Variants in RTL3 observed in about 807,000 individuals in gnomAD.
RTL3 encodes retrotransposon Gag-like protein 3.
For synonymous variants in RTL3, 181 were observed against 132.2 expected (o/e 1.37, Z -2.53); for missense variants, 468 against 341.8 (o/e 1.37, Z -2.91).
In RTL3 at chrX:78,658,258, A is replaced by T; in HGVS notation, c.163T>A (p.Ser55Thr). The T allele has an allele frequency of 8.3e-7, 1 of 1,209,885 alleles. No individual in the cohort carries two copies. Residue 55 changes from serine (S) to threonine (T), a missense_variant, in exon 2 of 2, where the codon TCC becomes ACC. By Grantham distance (58) the Ser-to-Thr change is moderately conservative (BLOSUM62 1). Coordinates refer to ENST00000321110, the MANE Select transcript of RTL3 (RefSeq NM_152694.3). ...TTCTGGGGCTCCTTGGCCTCTGAGGACTTTCGGAGTAGATCATACTCCTTG... is the reference window on the plus strand; with the variant it reads ...TTCTGGGGCTCCTTGGCCTCTGAGGTCTTTCGGAGTAGATCATACTCCTTG... ...AAKEYDLLRK[S>T]SEAKEPQKLP...
chrX:78,657,559 C>T lies in RTL3; in HGVS notation c.862G>A (p.Gly288Arg). The change falls in exon 2 of 2, where the codon GGA becomes AGA. Residue 288 changes from glycine to arginine, a missense_variant. By Grantham distance (125) the Gly-to-Arg change is moderately radical (BLOSUM62 -2). Transcript: ENST00000321110. ...TCCAGTAAGAGCTGGAACCACCATC[C>T]TGCCCTACCTGAGAAGCAATTGCCA... ...FVGNCFSGRA[G>R]WWFQLLLDIQ... 8.3e-7 allele frequency: 1 copy of T among 1,206,963 alleles called. No individual in the cohort carries two copies. Among genetic ancestry groups the T allele is most frequent in the Non-Finnish European group, 1.1e-6 (1 of 892,866 alleles).
At position 78,659,260 on chromosome X, in the gene RTL3, C is replaced by T. The variant is rs1350504267; in HGVS notation, c.-229+1G>A. ...AAATAATCTTTATAAATGTACGTTA[C>T]CATTCAGAGACTTAGTCCAGGAGCT... is the stretch of plus-strand genomic sequence containing the variant. On this transcript the variant is annotated splice_donor_variant, in intron 1 of 1. Coordinates refer to ENST00000321110, the MANE Select transcript of RTL3 (RefSeq NM_152694.3). LOFTEE classifies it low-confidence loss of function (5UTR_SPLICE). The T allele has an allele frequency of 6.4e-5, 7 of 109,910 alleles. No homozygotes were observed. Among genetic ancestry groups the T allele is most frequent in the Non-Finnish European group, 1.1e-4 (6 of 52,820 alleles). The allele number at this position is 109,910 out of a possible 1,213,427, so 9.1% of individuals were successfully genotyped here. A position where few individuals can be genotyped will look rare whatever the true frequency, so the allele number is the denominator to read the frequency against.
chrX:78,657,355 T>C lies in RTL3; in HGVS notation c.1066A>G (p.Thr356Ala). 1 of 1,211,223 alleles carries C rather than the reference T, an allele frequency of 8.3e-7. No homozygotes were observed. The highest frequency in any genetic ancestry group is 1.1e-6 in the Non-Finnish European group (1 of 895,342). Reference protein sequence around the residue: ...IAQELNWDESTLWIQFQEGLA... With the variant: ...IAQELNWDESALWIQFQEGLA... Reference sequence around the variant, plus strand: ...CCTTCTTGAAATTGGATCCAGAGAGTGCTTTCATCCCAGTTCAGCTCTTGA... The same window carrying C: ...CCTTCTTGAAATTGGATCCAGAGAGCGCTTTCATCCCAGTTCAGCTCTTGA... Residue 356 changes from threonine to alanine, a missense_variant, in exon 2 of 2, where the codon ACT becomes GCT. Thr to Ala is a moderately conservative substitution (Grantham distance 58, BLOSUM62 0). Transcript: ENST00000321110.
chrX:78,658,506 A>T lies in RTL3; in HGVS notation c.-86T>A. ...GTGAGATCCTTCCTGAAAGCTGCTT[A>T]CAGGCAGATGTCAGGCTCAGTGAGT... On this transcript the variant is annotated 5_prime_UTR_variant, in exon 2 of 2. Coordinates refer to ENST00000321110, the MANE Select transcript of RTL3 (RefSeq NM_152694.3). The T allele has an allele frequency of 2.2e-6, 2 of 905,188 alleles. No homozygotes were observed. Among genetic ancestry groups the T allele is most frequent in the South Asian group, 2.9e-5 (1 of 33,903 alleles). The allele number at this position is 905,188 out of a possible 1,213,427, so 74.6% of individuals were successfully genotyped here. A position where few individuals can be genotyped will look rare whatever the true frequency, so the allele number is the denominator to read the frequency against.
Position 78,657,412 on chromosome X carries a change from C to T in RTL3, c.1009G>A (p.Gly337Ser). The change falls in exon 2 of 2, where the codon GGT (glycine) becomes AGT (serine). Residue 337 changes from glycine (G) to serine (S), a missense_variant. Physicochemically the swap from Gly to Ser is moderately conservative, Grantham distance 56 (BLOSUM62 0). Coordinates refer to ENST00000321110, the MANE Select transcript of RTL3 (RefSeq NM_152694.3). The part of the protein sequence containing the change: ...QCIHQLCQGE[G>S]HVATHFHLIA... ...AGGTGGAAGTGGGTTGCTACATGAC[C>T]CTCCCCTTGGCAGAGTTGATGGATG... is the stretch of plus-strand genomic sequence containing the variant. The T allele has an allele frequency of 8.3e-7, 1 of 1,211,616 alleles. No homozygotes were observed.
chrX:78,656,260 A>G lies in RTL3; in HGVS notation c.*733T>C, dbSNP rs1051637458. The G allele has an allele frequency of 3.6e-5, 4 of 111,692 alleles. No homozygotes were observed. The highest frequency in any genetic ancestry group is 5.6e-5 in the Non-Finnish European group (3 of 53,108). 9.2% of individuals were successfully genotyped at this position (111,692 alleles called of 1,213,427 possible). On this transcript the variant is annotated 3_prime_UTR_variant, in exon 2 of 2. Coordinates refer to ENST00000321110, the MANE Select transcript of RTL3 (RefSeq NM_152694.3). Reference sequence around the variant, plus strand: ...TCATGTGTATTGTTAGTATAATTGTAATTAAAACAGTTCCGCAGGATGCAG... The same window carrying G: ...TCATGTGTATTGTTAGTATAATTGTGATTAAAACAGTTCCGCAGGATGCAG...
chrX:78,658,409 G>GTCC lies in RTL3; in HGVS notation c.9_11dup (p.Glu3dup), dbSNP rs1290673331. 1.7e-6 allele frequency: 2 copies of GTCC among 1,195,740 alleles called. No individual in the cohort carries two copies. Among genetic ancestry groups the GTCC allele is most frequent in the Non-Finnish European group, 2.3e-6 (2 of 887,535 alleles). On this transcript the variant is annotated inframe_insertion, in exon 2 of 2. Transcript: ENST00000321110. ...TCAGAACAATATAGGAGGCTGCTAA[G>GTCC]TCCTCCACCATCTTTTGAGGAAATG... is the stretch of plus-strand genomic sequence containing the variant.
In RTL3 at chrX:78,658,199, C is replaced by T; in HGVS notation, c.222G>A (p.Trp74Ter). 1 of 1,202,095 alleles carries T rather than the reference C, an allele frequency of 8.3e-7. No homozygotes were observed. The highest frequency in any genetic ancestry group is 1.1e-6 in the Non-Finnish European group (1 of 891,676). Reference sequence around the variant, plus strand: ...TGAACTCTGGGGTCTTTTGGGCCTCCCAGGCTGCTGGGGGATTCATGTGCT... The same window carrying T: ...TGAACTCTGGGGTCTTTTGGGCCTCTCAGGCTGCTGGGGGATTCATGTGCT... ...LPEHMNPPAA[W>*]EAQKTPEFKE... Residue 74 changes from tryptophan (W) to a stop codon, truncating the protein, a stop_gained, in exon 2 of 2, where the codon TGG becomes TGA. Transcript: ENST00000321110. LOFTEE classifies it low-confidence loss of function (END_TRUNC).
rs377722231 is a variant in RTL3 at position 78,657,302 on chromosome X, C to T, written c.1119G>A (p.Leu373=). ...GGTTGGTGGCTGGGCTTGTGTGAGA[C>T]AGTTCATCTTGTATAGAACTGGCAA... The part of the protein sequence containing the change: ...EGLASSIQDE[L]SHTSPATNLS... The change falls in exon 2 of 2, where the codon CTG becomes CTA. Residue 373 remains leucine (L), a synonymous_variant. Coordinates refer to ENST00000321110, the MANE Select transcript of RTL3 (RefSeq NM_152694.3). 2 of 1,211,793 alleles carry T rather than the reference C, an allele frequency of 1.7e-6. No homozygotes were observed.
chrX:78,657,083 G>C lies in RTL3; in HGVS notation c.1338C>G (p.Leu446=). ...WVRWHKGRLC[L]YCGYPGHFAR... ...CAAAATGACCAGGATAACCACAGTA[G>C]AGGCATAAGCGGCCTTTGTGCCAAC... The change falls in exon 2 of 2, where the codon CTC becomes CTG. Residue 446 remains leucine (L), a synonymous_variant. Transcript: ENST00000321110. 1 of 1,212,374 alleles carries C rather than the reference G, an allele frequency of 8.2e-7. No homozygotes were observed.
rs1186448900 is a variant in RTL3, at chrX:78,658,227, G to T, written c.194C>A (p.Pro65Gln). Residue 65 changes from proline (P) to glutamine (Q), a missense_variant, in exon 2 of 2, where the codon CCA (proline) becomes CAA (glutamine). Coordinates refer to ENST00000321110, the MANE Select transcript of RTL3 (RefSeq NM_152694.3). ...GGCTGCTGGGGGATTCATGTGCTCTGGGAGCTTCTGGGGCTCCTTGGCCTC... is the reference window on the plus strand; with the variant it reads ...GGCTGCTGGGGGATTCATGTGCTCTTGGAGCTTCTGGGGCTCCTTGGCCTC... ...SSEAKEPQKLPEHMNPPAAWE... is the reference protein window; with the variant it reads ...SSEAKEPQKLQEHMNPPAAWE... The T allele has an allele frequency of 5.8e-6, 7 of 1,209,102 alleles. No homozygotes were observed. Among genetic ancestry groups the T allele is most frequent in the Non-Finnish European group, 7.8e-6 (7 of 894,534 alleles).
rs181933542 is a variant in RTL3, at chrX:78,658,652, C to T, written c.-228-4G>A. 3.7e-5 allele frequency: 11 copies of T among 299,742 alleles called. No homozygotes were observed. Among genetic ancestry groups the T allele is most frequent in the Non-Finnish European group, 6.6e-5 (11 of 166,395 alleles). 24.7% of individuals were successfully genotyped at this position (299,742 alleles called of 1,213,427 possible). ...GTAAGGGGAAGTGTCAGATACACTG[C>T]GAAGAGAGTGGGAGCTGAGGATCAG... On this transcript the variant is annotated splice_region_variant and splice_polypyrimidine_tract_variant and intron_variant, in intron 1 of 1. Transcript: ENST00000321110.
chrX:78,657,425 G>A lies in RTL3; in HGVS notation c.996C>T (p.Leu332=). 2.5e-6 allele frequency: 3 copies of A among 1,211,786 alleles called. No individual in the cohort carries two copies. Among genetic ancestry groups the A allele is most frequent in the East Asian group, 3.0e-5 (1 of 33,835 alleles). Residue 332 remains leucine, a synonymous_variant, in exon 2 of 2, where the codon CTC becomes CTT. Coordinates refer to ENST00000321110, the MANE Select transcript of RTL3 (RefSeq NM_152694.3). ...MKDANQCIHQ[L]CQGEGHVATH... ...TTGCTACATGACCCTCCCCTTGGCA[G>A]AGTTGATGGATGCACTGGTTGGCAT...
In RTL3 at chrX:78,657,883, G is replaced by A. The variant is rs762739427; in HGVS notation, c.538C>T (p.Leu180=). 1.7e-6 allele frequency: 2 copies of A among 1,207,630 alleles called. No individual in the cohort carries two copies. The highest frequency in any genetic ancestry group is 2.2e-5 in the Admixed American group (1 of 45,197). Residue 180 remains leucine, a synonymous_variant, in exon 2 of 2, where the codon CTA becomes TTA. Coordinates refer to ENST00000321110, the MANE Select transcript of RTL3 (RefSeq NM_152694.3). ...APEYQETAAQ[L]EFLELPPPQE... ...GGAGGTGGAAGCTCAAGGAACTCTA[G>A]CTGTGCTGCAGTTTCCTGGTATTCT...
rs989544635 is a variant in RTL3, at chrX:78,657,079, A to T, written c.1342T>A (p.Cys448Ser). Residue 448 changes from cysteine to serine, a missense_variant, in exon 2 of 2, where the codon TGT becomes AGT. Coordinates refer to ENST00000321110, the MANE Select transcript of RTL3 (RefSeq NM_152694.3). The stretch of plus-strand genomic sequence containing the variant: ...CTGGCAAAATGACCAGGATAACCAC[A>T]GTAGAGGCATAAGCGGCCTTTGTGC... ...RWHKGRLCLY[C>S]GYPGHFARDC... The T allele has an allele frequency of 8.2e-7, 1 of 1,212,364 alleles. No homozygotes were observed. Among genetic ancestry groups the T allele is most frequent in the Non-Finnish European group, 1.1e-6 (1 of 895,617 alleles).
At position 78,656,847 on chromosome X, in the gene RTL3, T is replaced by G; in HGVS notation, c.*146A>C. 3.2e-6 allele frequency: 2 copies of G among 624,665 alleles called. No individual in the cohort carries two copies. Among genetic ancestry groups the G allele is most frequent in the Non-Finnish European group, 4.7e-6 (2 of 422,401 alleles). 51.5% of individuals were successfully genotyped at this position (624,665 alleles called of 1,213,427 possible). A position where few individuals can be genotyped will look rare whatever the true frequency, so the allele number is the denominator to read the frequency against. On this transcript the variant is annotated 3_prime_UTR_variant, in exon 2 of 2. Coordinates refer to ENST00000321110, the MANE Select transcript of RTL3 (RefSeq NM_152694.3). ...GAACCACAGTATGATCAATGCTGTTTCTGTAGGAGCCTGAATCTACCATTG... is the reference window on the plus strand; with the variant it reads ...GAACCACAGTATGATCAATGCTGTTGCTGTAGGAGCCTGAATCTACCATTG...
In RTL3 at chrX:78,656,874, T is replaced by G. The variant is rs1313342643; in HGVS notation, c.*119A>C. 1.3e-6 allele frequency: 1 copy of G among 783,020 alleles called. No homozygotes were observed. 64.5% of individuals were successfully genotyped at this position (783,020 alleles called of 1,213,427 possible). A position where few individuals can be genotyped will look rare whatever the true frequency, so the allele number is the denominator to read the frequency against. Reference sequence around the variant, plus strand: ...TGTAGGAGCCTGAATCTACCATTGCTTGCTCAAAGAATTATCTTCTTCCCA... The same window carrying G: ...TGTAGGAGCCTGAATCTACCATTGCGTGCTCAAAGAATTATCTTCTTCCCA... On this transcript the variant is annotated 3_prime_UTR_variant, in exon 2 of 2. Transcript: ENST00000321110.
chrX:78,658,278 T>C lies in RTL3; in HGVS notation c.143A>G (p.Glu48Gly). ...PELQKSQAAK[E>G]YDLLRKSSEA... ...TGAGGACTTTCGGAGTAGATCATACTCCTTGGCTGCTTGGGACTTCTGAAG... is the reference window on the plus strand; with the variant it reads ...TGAGGACTTTCGGAGTAGATCATACCCCTTGGCTGCTTGGGACTTCTGAAG... Residue 48 changes from glutamate (E) to glycine (G), a missense_variant, in exon 2 of 2, where the codon GAG (glutamate) becomes GGG (glycine). Glu to Gly is a moderately conservative substitution (Grantham distance 98). Transcript: ENST00000321110. 8.3e-7 allele frequency: 1 copy of C among 1,211,063 alleles called. No homozygotes were observed. The highest frequency in any genetic ancestry group is 1.1e-6 in the Non-Finnish European group (1 of 895,323).
rs1371687207 is a variant in RTL3 at position 78,657,271 on chromosome X, C to A, written c.1150G>T (p.Asp384Tyr). 4 of 1,210,173 alleles carry A rather than the reference C, an allele frequency of 3.3e-6. No homozygotes were observed. The Admixed American group carries it at 8.7e-5, about 26-fold the overall frequency. The change falls in exon 2 of 2, where the codon GAT (aspartate) becomes TAT (tyrosine). Residue 384 changes from aspartate to tyrosine, a missense_variant. By Grantham distance (160) the Asp-to-Tyr change is radical. Transcript: ENST00000321110. Reference sequence around the variant, plus strand: ...AGGCTGATGCACTGAGTGATGAGATCAGATAGGTTGGTGGCTGGGCTTGTG... The same window carrying A: ...AGGCTGATGCACTGAGTGATGAGATAAGATAGGTTGGTGGCTGGGCTTGTG... ...SHTSPATNLS[D>Y]LITQCISLEE...
Sources: gnomAD v4.1 joint callset for allele counts on GRCh38, gnomAD v4.1.1 for gene constraint, MANE v1.5 for transcripts, NCBI Gene and HGNC (gene_info 2026-07-23, HGNC 2026-07-21) for gene names.